The following TRIP4 variants were observed in gnomAD, a reference collection of about 807,000 sequenced individuals.
TRIP4 encodes the protein thyroid hormone receptor interactor 4.
Under a neutral mutation model 81.8 loss-of-function variants are expected in TRIP4, and 54 were observed. That is an observed-to-expected ratio of 0.66 (90% CI 0.53 to 0.83). TRIP4 has a LOEUF of 0.83. Ranked by LOEUF, TRIP4 falls within the 40% of genes least tolerant of loss-of-function variation. The pLI is 0.00. For missense variants in TRIP4, 662 were observed against 683.6 expected (o/e 0.97, Z 0.35); for synonymous variants, 270 against 242.8 (o/e 1.11, Z -1.04).
intron 6 of TRIP4, among the ~76,000 whole-genome samples, chr15:64,408,210 T>C (rs1309237400): frequency 1.4e-5 from 2 of 147,906 alleles, no homozygotes; most frequent in African/African-American, 4.9e-5. Flanking sequence ...AGTGCTGGAA[T>C]TACAGGTGTG....
At chr15:64,426,529 G>A (rs980617486) in intron 11 of TRIP4, among the ~76,000 whole-genome samples, 4 of 151,784 alleles carry the variant, frequency 2.6e-5, no homozygotes, top group East Asian at 1.9e-4. Flanking sequence ...GTGAAACCCC[G>A]CTTCTACTAA....
At chr15:64,427,198 T>A (rs1356040406) in intron 11 of TRIP4, among the ~76,000 whole-genome samples, 1 of 152,200 alleles carries the variant, frequency 6.6e-6, no homozygotes, top group African/African-American at 2.4e-5. Context: ...AGTATGGTTT[T>A]CCTGTTCTTT....
chr15:64,406,683 C>G (rs1339308280), intron 6 of TRIP4, among the ~76,000 whole-genome samples: 3 of 152,074 alleles, frequency 2.0e-5, no homozygotes, highest in Non-Finnish European at 4.4e-5. Flanking sequence ...TTTTTGATTC[C>G]TGACAAATGT....
At chr15:64,402,090 G>T (rs1385218829) in intron 5 of TRIP4, among the ~76,000 whole-genome samples, 1 of 152,066 alleles carries the variant, frequency 6.6e-6, no homozygotes, top group African/African-American at 2.4e-5. Context: ...TTTGATAATT[G>T]TACTATGGTT....
chr15:64,425,849 C>T (rs1407800384), intron 11 of TRIP4, among the ~76,000 whole-genome samples: 2 of 152,038 alleles, frequency 1.3e-5, no homozygotes, highest in African/African-American at 2.4e-5. Context: ...TTTGGGAGGC[C>T]GAGGCAGGTG....
chr15:64,450,413 AAG>A (rs1444786196), intron 12 of TRIP4, among the ~76,000 whole-genome samples: 1 of 149,692 alleles, frequency 6.7e-6, no homozygotes, highest in Non-Finnish European at 1.5e-5. Context: ...AAAAAAAAAA[AAG>A]AAAGAAAGGA....
At chr15:64,403,271 C>T (rs1891553303) in intron 5 of TRIP4, among the ~76,000 whole-genome samples, 2 of 152,172 alleles carry the variant, frequency 1.3e-5, no homozygotes, top group South Asian at 4.1e-4. Context: ...ATTCTCCTGC[C>T]TCAGCCTGCC....
intron 12 of TRIP4, 39 bp from the exon 13 acceptor site, chr15:64,454,958 A>G (rs771964054): frequency 8.8e-6 from 14 of 1,599,396 alleles, no homozygotes; most frequent in Non-Finnish European, 1.1e-5. Context: ...CATTGCAAAT[A>G]CAAAAATAAA....
intron 12 of TRIP4, among the ~76,000 whole-genome samples, chr15:64,447,693 C>A (rs1251986892): frequency 6.6e-6 from 1 of 152,098 alleles, no homozygotes; most frequent in Non-Finnish European, 1.5e-5. Flanking sequence ...CCTGGAAATC[C>A]TTTCTTTTCT....
rs1056677711 is a variant in TRIP4, at chr15:64,397,614, G to A, written c.414G>A (p.Glu138=). The change falls in exon 4 of 13, where the codon GAG becomes GAA. Residue 138 remains glutamate, a synonymous_variant. Transcript: ENST00000261884. ...ATGTCTTTGTACGATAGGCACAAGA[G>A]AACAGCAACTCCGTAAAGAAGAAGA... The part of the protein sequence containing the change: ...KTPFDLAKAQ[E]NSNSVKKKTK... 2.5e-6 allele frequency: 4 copies of A among 1,612,012 alleles called. No homozygotes were observed. The highest frequency in any genetic ancestry group is 3.4e-6 in the Non-Finnish European group (4 of 1,178,154).
intron 1 of TRIP4, among the ~76,000 whole-genome samples, chr15:64,392,872 C>G (rs1024004525): frequency 1.3e-5 from 2 of 152,068 alleles, no homozygotes; most frequent in African/African-American, 4.8e-5. Context: ...GCTTCAGCCT[C>G]CCAAATTGTT....
At chr15:64,410,023 G>GGT (rs1351890052) in intron 7 of TRIP4, among the ~76,000 whole-genome samples, 195 bp downstream of exon 7, 3 of 148,582 alleles carry the variant, frequency 2.0e-5, no homozygotes, top group Admixed American at 6.7e-5. Flanking sequence ...TTTGTGGTTT[G>GGT]GTTTTTTTTT....
At chr15:64,402,817 C>T (rs542492964) in intron 5 of TRIP4, among the ~76,000 whole-genome samples, 1 of 152,166 alleles carries the variant, frequency 6.6e-6, no homozygotes, top group East Asian at 1.9e-4. Context: ...TGAGCCACCG[C>T]ACTTGGTCAG....
intron 5 of TRIP4, among the ~76,000 whole-genome samples, chr15:64,405,992 G>GA (rs1346695254): frequency 6.6e-6 from 1 of 152,072 alleles, no homozygotes; most frequent in Non-Finnish European, 1.5e-5. Flanking sequence ...ATCCTGTCTT[G>GA]AAAAAACGTA....
At chr15:64,394,390 G>C (rs984263466) in intron 2 of TRIP4, among the ~76,000 whole-genome samples, 2 of 152,044 alleles carry the variant, frequency 1.3e-5, no homozygotes, top group African/African-American at 2.4e-5. Context: ...CGGATCACGT[G>C]GTCAGGAGAT....
intron 1 of TRIP4, among the ~76,000 whole-genome samples, chr15:64,388,984 TC>T (rs1201413864): frequency 6.6e-6 from 1 of 152,162 alleles, no homozygotes; most frequent in East Asian, 1.9e-4. Context: ...ACAGTTGGGT[TC>T]CCCTTCGTTG....
intron 4 of TRIP4, among the ~76,000 whole-genome samples, chr15:64,399,798 G>A (rs1292143832): frequency 6.6e-6 from 1 of 151,870 alleles, no homozygotes; most frequent in African/African-American, 2.4e-5. Context: ...ACTGCGCCTG[G>A]CCCTTGTTTG....
chr15:64,428,712 G>A (rs1184701495), intron 11 of TRIP4, among the ~76,000 whole-genome samples: 3 of 151,988 alleles, frequency 2.0e-5, no homozygotes, highest in Non-Finnish European at 1.5e-5. Context: ...AGGATCAAGC[G>A]ATTCTCTTGC....
At chr15:64,392,483 T>G (rs1262275601) in intron 1 of TRIP4, among the ~76,000 whole-genome samples, 8 of 152,014 alleles carry the variant, frequency 5.3e-5, no homozygotes, top group African/African-American at 1.2e-4. Context: ...TGCCTGTTTT[T>G]GGGGGGTGTG....
Sources: allele counts gnomAD v4.1 joint callset (sites outside exome capture counted in the v4.1 genomes callset), GRCh38; gene constraint gnomAD v4.1.1; transcripts MANE v1.5; gene names NCBI Gene and HGNC (gene_info 2026-07-23, HGNC 2026-07-21).